ATP10B: variants seen among roughly 807,000 people sequenced by gnomAD.
ATP10B encodes phospholipid-transporting ATPase VB.
In ATP10B, 122 loss-of-function variants were observed where a neutral mutation model predicts 141.2. The observed-to-expected ratio is 0.86, with a 90% CI of 0.75 to 1.00. The LOEUF (loss-of-function observed/expected upper bound fraction) is 1.00. Ranked by LOEUF, ATP10B falls within the 50% of genes least tolerant of loss-of-function variation. The pLI is 0.00. For missense variants in ATP10B, 1,876 were observed against 1,825.3 expected (o/e 1.03, Z -0.51); for synonymous variants, 685 against 692.0 (o/e 0.99, Z 0.16).
chr5:160,570,275 G>T (rs1370998732), intron 24 of ATP10B, among the ~76,000 whole-genome samples: 1 of 151,714 alleles, frequency 6.6e-6, no homozygotes, highest in Admixed American at 6.6e-5. Flanking sequence ...TGACATCCAT[G>T]ACTTTAAATA....
chr5:160,857,178 T>C (rs1436720717), upstream of ATP10B, among the ~76,000 whole-genome samples: 1 of 151,812 alleles, frequency 6.6e-6, no homozygotes, highest in African/African-American at 2.4e-5. Flanking sequence ...AGTGAAATCA[T>C]CTGGGTCTGG....
intron 2 of ATP10B, among the ~76,000 whole-genome samples, chr5:160,736,629 G>A (rs1002903438): frequency 1.8e-4 from 27 of 152,100 alleles, no homozygotes; most frequent in Non-Finnish European, 2.9e-4. Context: ...GCGTGGTGGC[G>A]TACGCCTGTA....
intron 2 of ATP10B, among the ~76,000 whole-genome samples, chr5:160,755,830 AAAAAAAAAATATATATATATAT>A (rs1418647275): frequency 4.4e-5 from 3 of 68,662 alleles, no homozygotes; most frequent in African/African-American, 2.4e-4. Flanking sequence ...AAAAAAAAAA[AAAAAAAAAATATATATATATAT>A]ATATATATAT....
chr5:160,797,259 G>A (rs925730016), intron 1 of ATP10B, among the ~76,000 whole-genome samples: 18 of 152,112 alleles, frequency 1.2e-4, no homozygotes, highest in African/African-American at 4.3e-4. Flanking sequence ...TACAGCAAGG[G>A]CCCTGGAGGT....
chr5:160,656,712 T>A (rs1413067725), intron 7 of ATP10B, among the ~76,000 whole-genome samples: 4 of 151,982 alleles, frequency 2.6e-5, no homozygotes, highest in South Asian at 2.1e-4. Context: ...CTTTTTTTTT[T>A]AAATGGAACC....
chr5:160,665,273 A>G (rs985213824), intron 7 of ATP10B, among the ~76,000 whole-genome samples: 4 of 152,234 alleles, frequency 2.6e-5, no homozygotes, highest in African/African-American at 9.6e-5. Flanking sequence ...GAAGTTCTTT[A>G]ATGTTTATAA....
intron 1 of ATP10B, among the ~76,000 whole-genome samples, chr5:160,850,840 T>C (rs1199610007): frequency 6.6e-6 from 1 of 152,202 alleles, no homozygotes; most frequent in Non-Finnish European, 1.5e-5. Flanking sequence ...ATAATTAGGC[T>C]GTAAGAAATG....
chr5:160,672,229 G>A (rs562668287), intron 6 of ATP10B, among the ~76,000 whole-genome samples: 165 of 151,916 alleles, frequency 1.1e-3, no homozygotes, highest in African/African-American at 3.7e-3. Context: ...CTCCTGTCTC[G>A]GCCTCCCAAA....
the ATP10B span, among the ~76,000 whole-genome samples, chr5:160,904,132 G>GTT: frequency 1.6e-4 from 23 of 148,078 alleles, no homozygotes; most frequent in African/African-American, 4.5e-4. Flanking sequence ...AGTGTTTTTT[G>GTT]TTTTTTTTTT....
the ATP10B span, among the ~76,000 whole-genome samples, chr5:160,874,804 T>G: frequency 6.7e-6 from 1 of 148,216 alleles, no homozygotes; most frequent in Non-Finnish European, 1.5e-5. Context: ...ATGAAATGAA[T>G]GAAATGAAGT....
chr5:160,654,741 C>T (rs1327734246), intron 7 of ATP10B, among the ~76,000 whole-genome samples: 1 of 151,978 alleles, frequency 6.6e-6, no homozygotes, highest in Non-Finnish European at 1.5e-5. Flanking sequence ...TCCTCCTCTC[C>T]TGTTATTATT....
At chr5:160,928,935 T>C in the ATP10B span, among the ~76,000 whole-genome samples, 1 of 152,160 alleles carries the variant, frequency 6.6e-6, no homozygotes, top group East Asian at 1.9e-4. Flanking sequence ...CACGACCACA[T>C]AGAGCTATCA....
At chr5:160,921,918 A>C in the ATP10B span, among the ~76,000 whole-genome samples, 42 of 152,342 alleles carry the variant, frequency 2.8e-4, no homozygotes, top group African/African-American at 9.9e-4. Flanking sequence ...ACCACAAAGC[A>C]GTTCCTCTTT....
intron 2 of ATP10B, among the ~76,000 whole-genome samples, chr5:160,757,627 C>G (rs184884482): frequency 1.3e-5 from 2 of 151,942 alleles, no homozygotes; most frequent in Admixed American, 6.6e-5. Flanking sequence ...TCTTCTGAGC[C>G]TTTTTTTAAA....
At chr5:160,781,286 G>A (rs1032851854) in intron 2 of ATP10B, among the ~76,000 whole-genome samples, 1 of 152,190 alleles carries the variant, frequency 6.6e-6, no homozygotes, top group Non-Finnish European at 1.5e-5. Flanking sequence ...AGGTGCTGTG[G>A]ATGCTGTTGG....
chr5:160,693,519 C>T (rs1235855598), intron 3 of ATP10B, among the ~76,000 whole-genome samples: 6 of 151,060 alleles, frequency 4.0e-5, no homozygotes, highest in Non-Finnish European at 7.4e-5. Flanking sequence ...CCTGAAGAAA[C>T]GCAGGAGTTA....
rs1390664812 is a variant in ATP10B at position 160,783,549 on chromosome 5, CAT to C, written c.-331+2008_-331+2009del. ...TGATATATATGGTTGATATATATAT[CAT>C]ATATATATGATACACACACACACAC... On this transcript the variant is annotated intron_variant, in intron 2 of 25. Transcript: ENST00000327245. Among the ~76,000 whole-genome samples, 6 of 111,550 alleles carry C rather than the reference CAT, an allele frequency of 5.4e-5. No individual in the cohort carries two copies. In the South Asian group the frequency reaches 1.4e-3, roughly 27 times the overall value. The allele number at this position is 111,550 out of a possible 152,430, so 73.2% of individuals were successfully genotyped here.
At chr5:160,599,021 C>T in intron 21 of ATP10B, 51 bp from the exon 22 acceptor site, 1 of 1,577,588 alleles carries the variant, frequency 6.3e-7, no homozygotes, top group Non-Finnish European at 8.7e-7. Flanking sequence ...TGCAGCCGGT[C>T]ACCAGCTCCT....
Position 160,634,508 on chromosome 5 carries a change from G to A in ATP10B, c.1227C>T (p.Thr409=), listed in dbSNP as rs139882333. The A allele has an allele frequency of 5.4e-4, 877 of 1,614,038 alleles. 7 individuals carry two copies. The African/African-American group carries it at 0.01, about 19-fold the overall frequency. The stretch of plus-strand genomic sequence containing the variant: ...GGGCTCGACATTGAATGGATAAATC[G>A]GTCTCTTCATCATACAGGTCAAGGT... ...SNDLDLYDEE[T]DLSIQCRALN... The change falls in exon 12 of 26, where the codon ACC becomes ACT. Residue 409 remains threonine, a synonymous_variant. Coordinates refer to ENST00000327245, the MANE Select transcript of ATP10B (RefSeq NM_025153.3).
Sources: gnomAD v4.1 joint callset for allele counts (sites outside exome capture counted in the v4.1 genomes callset) on GRCh38, gnomAD v4.1.1 for gene constraint, MANE v1.5 for transcripts, NCBI Gene and HGNC (gene_info 2026-07-23, HGNC 2026-07-21) for gene names.